DST: variants seen among roughly 807,000 people sequenced by gnomAD.
The protein encoded by DST is bullous pemphigoid antigen.
In DST, 253 loss-of-function variants were observed where a neutral mutation model predicts 875.2. The ratio of observed to expected loss-of-function variants is 0.29; its 90% CI spans 0.26 to 0.32. DST has a LOEUF of 0.32. Ranked by LOEUF, DST falls within the 10% of genes least tolerant of loss-of-function variation. The probability of loss-of-function intolerance (pLI) is 1.00; values close to 1 mark genes in which losing one functional copy is unlikely to be tolerated. For synonymous variants in DST, 3,124 were observed against 3,197.1 expected (o/e 0.98, Z 0.77); for missense variants, 8,287 against 9,111.6 (o/e 0.91, Z 3.68).
chr6:56,670,729 T>C lies in DST; in HGVS notation c.1126A>G (p.Thr376Ala). 2.5e-6 allele frequency: 4 copies of C among 1,611,082 alleles called. No individual in the cohort carries two copies. The highest frequency in any genetic ancestry group is 3.4e-6 in the Non-Finnish European group (4 of 1,178,450). ...CACCGAATTCCAGCATAACCCTCTGTTGCCTGCTGCGTCCAGAGTAGCAAT... is the reference window on the plus strand; with the variant it reads ...CACCGAATTCCAGCATAACCCTCTGCTGCCTGCTGCGTCCAGAGTAGCAAT... ...ERLLLWTQQATEGYAGIRCEN... is the reference protein window; with the variant it reads ...ERLLLWTQQAAEGYAGIRCEN... Residue 376 changes from threonine (T) to alanine (A), a missense_variant, in exon 10 of 104, where the codon ACA becomes GCA. Transcript: ENST00000680361.
At chr6:56,518,724 C>G (rs1019150543) in intron 69 of DST, among the ~76,000 whole-genome samples, 28 of 152,018 alleles carry the variant, frequency 1.8e-4, no homozygotes, top group African/African-American at 5.8e-4. Flanking sequence ...CCTGTGACAC[C>G]ACAGTACCAA....
chr6:56,553,703 T>C (rs2097355780), intron 60 of DST, 48 bp from the exon 61 acceptor site: 1 of 1,530,136 alleles, frequency 6.5e-7, no homozygotes, highest in Non-Finnish European at 8.8e-7. Context: ...AAAATGTTAA[T>C]TTAATCTATG....
intron 3 of DST, chr6:56,861,951 C>T (rs1007968003): frequency 2.0e-5 from 3 of 152,074 alleles, no homozygotes; most frequent in African/African-American, 2.4e-5. Context: ...CACCTCTTAC[C>T]CCAGAGTGTA....
Position 56,472,221 on chromosome 6 carries a change from T to C in DST, c.21996A>G (p.Arg7332=). 1 of 1,613,460 alleles carries C rather than the reference T, an allele frequency of 6.2e-7. No homozygotes were observed. Among genetic ancestry groups the C allele is most frequent in the East Asian group, 2.2e-5 (1 of 44,870 alleles). Residue 7332 remains arginine, a splice_region_variant and synonymous_variant, in exon 94 of 104, where the codon AGA becomes AGG. Transcript: ENST00000680361. ...ACAAGCTTGATGCTGGAAAGCGTTTTCCTGTGAAGGTATAACTTCGGTTAG... is the reference window on the plus strand; with the variant it reads ...ACAAGCTTGATGCTGGAAAGCGTTTCCCTGTGAAGGTATAACTTCGGTTAG... ...IPVLDKGRAG[R]KRFPASSLYP...
In DST at chr6:56,584,202, A is replaced by C. The variant is rs1208508996; in HGVS notation, c.12904-5265T>G. 2.0e-5 allele frequency among the ~76,000 whole-genome samples: 3 copies of C among 151,794 alleles called. No individual in the cohort carries two copies. In the East Asian group the frequency reaches 5.8e-4, roughly 29 times the overall value. ...CTTGGGCAGTATGGCCATTTTCACG[A>C]TATTGATTCTTCTTACCCATGAGCA... On this transcript the variant is annotated intron_variant, in intron 49 of 103. Transcript: ENST00000680361.
chr6:56,728,973 T>TAA (rs1554679773), intron 5 of DST, among the ~76,000 whole-genome samples: 8 of 132,006 alleles, frequency 6.1e-5, no homozygotes, highest in African/African-American at 1.6e-4. Context: ...ATAAAAAAAG[T>TAA]ACACACACAC....
intron 4 of DST, among the ~76,000 whole-genome samples, chr6:56,815,350 G>A (rs1452339982): frequency 9.4e-6 from 1 of 106,050 alleles, no homozygotes; most frequent in Non-Finnish European, 2.2e-5. Context: ...CAAGGTATAC[G>A]TATAAACACA....
At position 56,517,567 on chromosome 6, in the gene DST, T is replaced by C; in HGVS notation, c.18183A>G (p.Lys6061=). 6.2e-7 allele frequency: 1 copy of C among 1,612,006 alleles called. No homozygotes were observed. The highest frequency in any genetic ancestry group is 8.5e-7 in the Non-Finnish European group (1 of 1,178,904). The part of the protein sequence containing the change: ...ELSWITETEK[K]LMSLGDIRLE... ...GCCTGATGTCACCCAGAGACATCAA[T>C]TTTTTTTCTGTTTCAGTAATCCAGG... The change falls in exon 70 of 104, where the codon AAA becomes AAG. Residue 6061 remains lysine, a synonymous_variant. Coordinates refer to ENST00000680361, the MANE Select transcript of DST (RefSeq NM_001374736.1).
intron 3 of DST, among the ~76,000 whole-genome samples, chr6:56,897,079 T>A (rs530400458): frequency 6.6e-6 from 1 of 152,212 alleles, no homozygotes; most frequent in East Asian, 1.9e-4. Context: ...GTTATTTCTA[T>A]AATTTTTATA....
intron 69 of DST, among the ~76,000 whole-genome samples, chr6:56,521,007 T>G (rs2096687424): frequency 6.6e-6 from 1 of 152,126 alleles, no homozygotes; most frequent in Non-Finnish European, 1.5e-5. Flanking sequence ...TAATCTATCT[T>G]AAGCTGGTTC....
intron 4 of DST, among the ~76,000 whole-genome samples, chr6:56,806,455 A>G (rs2099753057): frequency 6.6e-6 from 1 of 152,258 alleles, no homozygotes; most frequent in Non-Finnish European, 1.5e-5. Flanking sequence ...ATGCAAGGAA[A>G]GCTGTGGCCT....
intron 9 of DST, among the ~76,000 whole-genome samples, chr6:56,678,080 C>T (rs187816040): frequency 8.8e-4 from 134 of 152,302 alleles, no homozygotes; most frequent in African/African-American, 3.2e-3. Context: ...CAAAAAAAAT[C>T]ATTTTTACAT....
chr6:56,586,761 G>A (rs1181179019), intron 49 of DST, among the ~76,000 whole-genome samples: 3 of 152,198 alleles, frequency 2.0e-5, no homozygotes, highest in Admixed American at 6.5e-5. Context: ...ACGAAAATCC[G>A]CTCTTCTGCA....
intron 93 of DST, among the ~76,000 whole-genome samples, chr6:56,473,568 T>A (rs1206005038): frequency 6.6e-6 from 1 of 152,164 alleles, no homozygotes; most frequent in Non-Finnish European, 1.5e-5. Context: ...GGAAGACAAA[T>A]GAGACAATGC....
intron 4 of DST, among the ~76,000 whole-genome samples, chr6:56,765,439 C>T (rs2099631018): frequency 6.6e-6 from 1 of 152,128 alleles, no homozygotes; most frequent in Non-Finnish European, 1.5e-5. Context: ...CAGGTAGAAA[C>T]TAGAACTGCC....
rs769579362 is a variant in DST, at chr6:56,639,280, A to G, written c.2943T>C (p.His981=). Residue 981 remains histidine (H), a synonymous_variant, in exon 22 of 104, where the codon CAT becomes CAC. Transcript: ENST00000680361. ...TTACCTCAATAGTTAACCGGGCTGGATGATTTTCTAGAAGTAGCTGCTCTG... is the reference window on the plus strand; with the variant it reads ...TTACCTCAATAGTTAACCGGGCTGGGTGATTTTCTAGAAGTAGCTGCTCTG... ...EIAEQLLLEN[H]PARLTIEAYR... The G allele has an allele frequency of 1.2e-6, 2 of 1,613,764 alleles. No homozygotes were observed. Among genetic ancestry groups the G allele is most frequent in the South Asian group, 2.2e-5 (2 of 91,070 alleles).
chr6:56,723,951 C>G (rs949418778), intron 5 of DST, among the ~76,000 whole-genome samples: 2 of 152,300 alleles, frequency 1.3e-5, no homozygotes, highest in East Asian at 1.9e-4. Context: ...TTCCTGGGAA[C>G]CTGATTTGAA....
chr6:56,496,252 C>T (rs73749937), intron 82 of DST, among the ~76,000 whole-genome samples: 137 of 152,224 alleles, frequency 9.0e-4, no homozygotes, highest in African/African-American at 3.2e-3. Context: ...AATTTAATTT[C>T]ACAGTCCCCA....
At chr6:56,726,691 T>C (rs1220296962) in intron 5 of DST, among the ~76,000 whole-genome samples, 1 of 152,166 alleles carries the variant, frequency 6.6e-6, no homozygotes, top group Non-Finnish European at 1.5e-5. Flanking sequence ...TCACCATAAG[T>C]TTATTTCTCT....
Sources: allele counts gnomAD v4.1 joint callset (sites outside exome capture counted in the v4.1 genomes callset), GRCh38; gene constraint gnomAD v4.1.1; transcripts MANE v1.5; gene names NCBI Gene and HGNC (gene_info 2026-07-23, HGNC 2026-07-21).